The following LIMK2 variants were observed in gnomAD, a reference collection of about 807,000 sequenced individuals.
The protein encoded by LIMK2 is LIM domain kinase 2.
LIMK2 carries 35 observed loss-of-function variants against 75.7 expected under a neutral mutation model. The observed-to-expected ratio is 0.46, with a 90% CI of 0.35 to 0.61. LIMK2 has a LOEUF of 0.61. LIMK2 is among the 20% of genes least tolerant of loss of function. The pLI is 0.00. For synonymous variants in LIMK2, 301 were observed against 319.2 expected (o/e 0.94, Z 0.61); for missense variants, 623 against 831.0 (o/e 0.75, Z 3.08).
At chr22:31,248,275 C>T in intron 2 of LIMK2, 2 of 1,101,706 alleles carry the variant, frequency 1.8e-6, no homozygotes, top group Non-Finnish European at 2.3e-6. Context: ...ACAGCTGCTC[C>T]AACCACACAC....
intron 2 of LIMK2, among the ~76,000 whole-genome samples, chr22:31,249,218 G>A (rs2048701154): frequency 6.6e-6 from 1 of 152,238 alleles, no homozygotes; most frequent in Non-Finnish European, 1.5e-5. Flanking sequence ...AGTCCTGGGT[G>A]TGGGTAGCCT....
At chr22:31,272,117 G>C (rs972440847) in intron 12 of LIMK2, among the ~76,000 whole-genome samples, 3 of 152,148 alleles carry the variant, frequency 2.0e-5, no homozygotes, top group Admixed American at 1.3e-4. Flanking sequence ...CTGGAGTGCA[G>C]TGGTGCAATC....
chr22:31,214,156 T>A (rs2048371316), intron 1 of LIMK2, among the ~76,000 whole-genome samples: 1 of 152,016 alleles, frequency 6.6e-6, no homozygotes, highest in Admixed American at 6.6e-5. Flanking sequence ...GTAATATAGG[T>A]TGCCTGTCTT....
At chr22:31,216,309 C>T (rs2048388345) in intron 1 of LIMK2, among the ~76,000 whole-genome samples, 1 of 152,102 alleles carries the variant, frequency 6.6e-6, no homozygotes, top group African/African-American at 2.4e-5. Context: ...AGGCAAGTTT[C>T]AGGTCTTCAT....
intron 12 of LIMK2, 119 bp downstream of exon 12, chr22:31,271,320 T>G: frequency 2.0e-5 from 16 of 798,490 alleles, no homozygotes; most frequent in Non-Finnish European, 3.3e-5. Context: ...TAGGAGCTCC[T>G]ATCTTTCCCT....
chr22:31,269,063 T>G (rs561460098), intron 11 of LIMK2, among the ~76,000 whole-genome samples: 2,036 of 131,968 alleles, frequency 0.015, 20 homozygotes, highest in Middle Eastern at 0.03. Context: ...TGTTTTTTTG[T>G]TTTTTTTTCC....
At chr22:31,259,844 G>T (rs747913094) in intron 4 of LIMK2, 45 bp from the exon 5 acceptor site, 2 of 1,553,848 alleles carry the variant, frequency 1.3e-6, no homozygotes, top group Admixed American at 2.1e-5. Flanking sequence ...GGGGGCTTCT[G>T]TGTGGGACTC....
Position 31,262,007 on chromosome 22 carries a change from TGGGTATCCTGGGCCCCTTAG to T in LIMK2, c.552-123_552-104del, listed in dbSNP as rs2048845146. The T allele has an allele frequency of 2.8e-6, 2 of 714,766 alleles. No homozygotes were observed. Among genetic ancestry groups the T allele is most frequent in the African/African-American group, 3.5e-5 (2 of 56,504 alleles). The allele number at this position is 714,766 out of a possible 1,614,324, so 44.3% of individuals were successfully genotyped here. A position where few individuals can be genotyped will look rare whatever the true frequency, so the allele number is the denominator to read the frequency against. On this transcript the variant is annotated intron_variant, in intron 5 of 15. Transcript: ENST00000331728. The surrounding 1 kb of genome is among the most constrained non-coding windows in gnomAD (Gnocchi z 5.0). ...CTGGAAAAGGTGTTGCCTTTCTGTG[TGGGTATCCTGGGCCCCTTAG>T]GGGCCACTGGTGGCCTGGGACCTGG...
At chr22:31,277,005 GGA>G (rs1464416386) in intron 15 of LIMK2, 1 of 1,613,978 alleles carries the variant, frequency 6.2e-7, no homozygotes, top group African/African-American at 1.3e-5. Flanking sequence ...TCCTGGACAT[GGA>G]GAGTGACGAT....
At chr22:31,226,601 A>ATTATTATTATTC in intron 2 of LIMK2, among the ~76,000 whole-genome samples, 1 of 152,022 alleles carries the variant, frequency 6.6e-6, no homozygotes. Context: ...TTATAGCTAC[A>ATTATTATTATTC]TTATTATTAT....
intron 2 of LIMK2, among the ~76,000 whole-genome samples, chr22:31,235,848 A>G (rs1442082840): frequency 6.6e-6 from 1 of 152,204 alleles, no homozygotes; most frequent in Non-Finnish European, 1.5e-5. Context: ...AGTTGAACTA[A>G]TTAGATCCAC....
Position 31,272,718 on chromosome 22 carries a change from C to A in LIMK2, c.1558+14C>A. 1 of 1,576,444 alleles carries A rather than the reference C, an allele frequency of 6.3e-7. No individual in the cohort carries two copies. Among genetic ancestry groups the A allele is most frequent in the Non-Finnish European group, 8.6e-7 (1 of 1,160,958 alleles). ...AGATGCTGAACGGTGAGTCCTGAAG[C>A]CCTGGAGGGGACACCCGCAGAGGGA... is the stretch of plus-strand genomic sequence containing the variant. On this transcript the variant is annotated intron_variant, in intron 13 of 15. Transcript: ENST00000331728.
rs114911133 is a variant in LIMK2, at chr22:31,264,301, G to A, written c.854+1510G>A. On this transcript the variant is annotated intron_variant, in intron 7 of 15. Coordinates refer to ENST00000331728, the MANE Select transcript of LIMK2 (RefSeq NM_005569.4). The stretch of plus-strand genomic sequence containing the variant: ...CTCTGGTGGGCATGGTCAGCAGGAG[G>A]CAGAGCAAAAGGACAAGGGTAAGTA... Among the ~76,000 whole-genome samples the A allele has an allele frequency of 2.0e-3, 301 of 152,300 alleles. 2 individuals carry two copies. Among genetic ancestry groups the A allele is most frequent in the African/African-American group, 6.7e-3 (279 of 41,562 alleles).
chr22:31,236,806 C>T (rs2048579708), intron 2 of LIMK2, among the ~76,000 whole-genome samples: 1 of 150,782 alleles, frequency 6.6e-6, no homozygotes, highest in South Asian at 2.1e-4. Context: ...CCCAGCTACT[C>T]ACTTGGAGGC....
Position 31,279,420 on chromosome 22 carries a change from A to G in LIMK2, c.*979A>G, listed in dbSNP as rs769751145. 3.9e-5 allele frequency: 6 copies of G among 152,216 alleles called. No homozygotes were observed. The highest frequency in any genetic ancestry group is 7.3e-5 in the Non-Finnish European group (5 of 68,062). 9.4% of individuals were successfully genotyped at this position (152,216 alleles called of 1,614,324 possible). On this transcript the variant is annotated 3_prime_UTR_variant, in exon 16 of 16. Transcript: ENST00000331728. ...TCTTGGTCTTGGCTTCATGGCAACC[A>G]CTGCTCACCCTTCAACATGCCTGGT... is the stretch of plus-strand genomic sequence containing the variant.
intron 12 of LIMK2, among the ~76,000 whole-genome samples, chr22:31,272,022 C>G (rs187402221): frequency 6.6e-6 from 1 of 152,242 alleles, no homozygotes; most frequent in African/African-American, 2.4e-5. Flanking sequence ...ATACCAGACC[C>G]TCAGAAACAC....
intron 8 of LIMK2, among the ~76,000 whole-genome samples, chr22:31,266,518 C>G (rs1241920908): frequency 6.6e-6 from 1 of 152,196 alleles, no homozygotes; most frequent in Non-Finnish European, 1.5e-5. Flanking sequence ...TCCTCCTCCT[C>G]CTCTTCTGCT....
chr22:31,237,456 T>C (rs2048588770), intron 2 of LIMK2, among the ~76,000 whole-genome samples: 1 of 148,288 alleles, frequency 6.7e-6, no homozygotes, highest in Non-Finnish European at 1.5e-5. Flanking sequence ...CCCAGCTACT[T>C]AGGAGACTAA....
chr22:31,265,807 A>G (rs1601437660), intron 7 of LIMK2, 139 bp from the exon 8 acceptor site: 1 of 656,236 alleles, frequency 1.5e-6, no homozygotes, highest in East Asian at 2.6e-5. Context: ...ATCTGATGTA[A>G]GAGCCCCTGT....
Sources: allele counts gnomAD v4.1 joint callset (sites outside exome capture counted in the v4.1 genomes callset), GRCh38; gene constraint gnomAD v4.1.1; non-coding constraint Gnocchi (gnomAD v3.1); transcripts MANE v1.5; gene names NCBI Gene and HGNC (gene_info 2026-07-23, HGNC 2026-07-21).